The following KCNS3 variants were observed in gnomAD, a reference collection of about 807,000 sequenced individuals.
The protein encoded by KCNS3 is potassium voltage-gated channel modifier subfamily S member 3.
Under a neutral mutation model 31.0 loss-of-function variants are expected in KCNS3, and 13 were observed. The observed-to-expected ratio is 0.42, with a 90% confidence interval of 0.27 to 0.67. The LOEUF (loss-of-function observed/expected upper bound fraction) is 0.67. Among genes scored for constraint, KCNS3 ranks in the 30% least tolerant of loss-of-function variants. KCNS3 has a pLI of 0.25. For missense variants in KCNS3, 545 were observed against 622.4 expected (o/e 0.88, Z 1.32); for synonymous variants, 238 against 241.5 (o/e 0.99, Z 0.13).
chr2:17,926,319 T>G (rs983938159), intron 2 of KCNS3, among the ~76,000 whole-genome samples: 1 of 152,198 alleles, frequency 6.6e-6, no homozygotes, highest in Non-Finnish European at 1.5e-5. Flanking sequence ...GTGCAAGCTG[T>G]CAGTGGATCT....
intron 1 of KCNS3, among the ~76,000 whole-genome samples, chr2:17,913,140 T>C (rs2344693): frequency 6.6e-6 from 1 of 151,800 alleles, no homozygotes; most frequent in East Asian, 1.9e-4. Context: ...TTTATTTAAT[T>C]AAACACTGGG....
chr2:17,893,251 G>C (rs1274175095), intron 1 of KCNS3, among the ~76,000 whole-genome samples: 1 of 152,144 alleles, frequency 6.6e-6, no homozygotes, highest in Admixed American at 6.5e-5. Flanking sequence ...CTGAAGGGCC[G>C]GTCCCACTCC....
At chr2:17,901,868 G>C (rs765227764) in intron 1 of KCNS3, among the ~76,000 whole-genome samples, 1 of 152,162 alleles carries the variant, frequency 6.6e-6, no homozygotes, top group Non-Finnish European at 1.5e-5. Context: ...ATCTGGCCAC[G>C]TGATACCCAC....
intron 1 of KCNS3, among the ~76,000 whole-genome samples, chr2:17,880,644 TAAG>T (rs1399834152): frequency 1.3e-5 from 2 of 152,254 alleles, no homozygotes; most frequent in Non-Finnish European, 2.9e-5. Context: ...GCAGCTACGC[TAAG>T]GTTTTGCTGG....
intron 1 of KCNS3, chr2:17,879,303 G>A (rs1026282449): frequency 2.6e-5 from 4 of 152,230 alleles, no homozygotes; most frequent in African/African-American, 9.7e-5. Flanking sequence ...AATGCTTCCC[G>A]GGCCGTCTGC....
At chr2:17,909,445 G>A (rs368223639) in intron 1 of KCNS3, among the ~76,000 whole-genome samples, 87 of 152,152 alleles carry the variant, frequency 5.7e-4, no homozygotes, top group African/African-American at 1.9e-3. Context: ...GCTCACACTC[G>A]GTAGGCTGCA....
chr2:17,897,718 A>G (rs904722450), intron 1 of KCNS3, among the ~76,000 whole-genome samples: 2 of 152,086 alleles, frequency 1.3e-5, no homozygotes, highest in Admixed American at 6.5e-5. Context: ...CTCCCATTCT[A>G]TAGGCTGTCT....
At chr2:17,907,820 A>G (rs931898971) in intron 1 of KCNS3, among the ~76,000 whole-genome samples, 2 of 152,230 alleles carry the variant, frequency 1.3e-5, no homozygotes, top group South Asian at 2.1e-4. Flanking sequence ...AGTTTCTGCT[A>G]AGAGATCCGC....
intron 2 of KCNS3, among the ~76,000 whole-genome samples, chr2:17,929,037 G>A (rs1483648292): frequency 1.3e-5 from 2 of 152,186 alleles, no homozygotes; most frequent in African/African-American, 2.4e-5. Context: ...GCTGTCATTG[G>A]CGGCTTTCTA....
chr2:17,896,322 G>T (rs1662026321), intron 1 of KCNS3, among the ~76,000 whole-genome samples: 1 of 152,052 alleles, frequency 6.6e-6, no homozygotes, highest in Admixed American at 6.5e-5. Context: ...TAAAGTGCTG[G>T]GATTACAGTT....
chr2:17,881,571 G>A (rs1674643819), intron 1 of KCNS3, among the ~76,000 whole-genome samples: 1 of 152,154 alleles, frequency 6.6e-6, no homozygotes, highest in Non-Finnish European at 1.5e-5. Flanking sequence ...ATCTTAGGAT[G>A]GTAGGTTCTA....
At chr2:17,887,858 A>G (rs966814501) in intron 1 of KCNS3, among the ~76,000 whole-genome samples, 7 of 152,058 alleles carry the variant, frequency 4.6e-5, no homozygotes, top group African/African-American at 1.7e-4. Flanking sequence ...TTTTTTTATT[A>G]TGGCCATTCT....
intron 1 of KCNS3, among the ~76,000 whole-genome samples, chr2:17,905,746 T>G (rs1347604607): frequency 1.3e-5 from 2 of 152,242 alleles, no homozygotes; most frequent in African/African-American, 2.4e-5. Context: ...TGGTTCTGTT[T>G]ATATGCTGGA....
At chr2:17,886,136 A>G (rs182634597) in intron 1 of KCNS3, among the ~76,000 whole-genome samples, 1 of 152,368 alleles carries the variant, frequency 6.6e-6, no homozygotes, top group East Asian at 1.9e-4. Flanking sequence ...TTAAATCCTG[A>G]CAAATAATTA....
rs1663029857 is a variant in KCNS3 at position 17,932,633 on chromosome 2, A to G, written c.*149A>G. On this transcript the variant is annotated 3_prime_UTR_variant, in exon 3 of 3. Transcript: ENST00000304101. The stretch of plus-strand genomic sequence containing the variant: ...ACATTCATTGCTGAATTCTGAAATG[A>G]TAGAATTGTCTTTATTTTTCTCTGT... The G allele has an allele frequency of 1.3e-6, 1 of 790,186 alleles. No homozygotes were observed. Among genetic ancestry groups the G allele is most frequent in the Non-Finnish European group, 2.0e-6 (1 of 506,846 alleles). 48.9% of individuals were successfully genotyped at this position (790,186 alleles called of 1,614,324 possible).
chr2:17,903,272 T>G (rs887654331), intron 1 of KCNS3, among the ~76,000 whole-genome samples: 6 of 152,186 alleles, frequency 3.9e-5, no homozygotes, highest in African/African-American at 1.4e-4. Context: ...TGCAGTGATA[T>G]GTAAGACAGA....
At chr2:17,929,767 G>A (rs1662914135) in intron 2 of KCNS3, among the ~76,000 whole-genome samples, 2 of 152,230 alleles carry the variant, frequency 1.3e-5, no homozygotes, top group Non-Finnish European at 2.9e-5. Flanking sequence ...GGTGGGGGAA[G>A]TCTATGTAGT....
At chr2:17,899,254 C>CA (rs1391998688) in intron 1 of KCNS3, among the ~76,000 whole-genome samples, 1 of 151,826 alleles carries the variant, frequency 6.6e-6, no homozygotes, top group Non-Finnish European at 1.5e-5. Context: ...CAAAACAAAA[C>CA]AAAAAAACCA....
In KCNS3 at chr2:17,931,692, G is replaced by A. The variant is rs779009471; in HGVS notation, c.684G>A (p.Ala228=). ...DDPVLEGVEI[A]CIAWFTGELA... Reference sequence around the variant, plus strand: ...CGGTGCTGGAAGGAGTGGAGATCGCGTGCATTGCCTGGTTCACCGGGGAGC... The same window carrying A: ...CGGTGCTGGAAGGAGTGGAGATCGCATGCATTGCCTGGTTCACCGGGGAGC... The change falls in exon 3 of 3, where the codon GCG becomes GCA. Residue 228 remains alanine, a synonymous_variant. Coordinates refer to ENST00000304101, the MANE Select transcript of KCNS3 (RefSeq NM_002252.5). This position sits in a 1 kb window ranked among gnomAD's most constrained non-coding sequence, Gnocchi z 5.4. 2.4e-5 allele frequency: 38 copies of A among 1,614,000 alleles called. No individual in the cohort carries two copies. Among genetic ancestry groups the A allele is most frequent in the Non-Finnish European group, 2.9e-5 (34 of 1,180,030 alleles).
Sources: allele counts gnomAD v4.1 joint callset (sites outside exome capture counted in the v4.1 genomes callset), GRCh38; gene constraint gnomAD v4.1.1; non-coding constraint Gnocchi (gnomAD v3.1); transcripts MANE v1.5; gene names NCBI Gene and HGNC (gene_info 2026-07-23, HGNC 2026-07-21).